Variants in RARB observed in about 807,000 individuals in gnomAD.
RARB encodes HBV-activated protein.
Under a neutral mutation model 51.9 loss-of-function variants are expected in RARB, and 17 were observed. The observed-to-expected ratio is 0.33, with a 90% CI of 0.22 to 0.49. RARB has a LOEUF of 0.49. Ranked by LOEUF, RARB falls within the 20% of genes least tolerant of loss-of-function variation. The pLI is 0.99. For missense variants in RARB, 369 were observed against 550.8 expected (o/e 0.67, Z 3.30); for synonymous variants, 215 against 195.4 (o/e 1.10, Z -0.84).
chr3:25,306,972 G>C (rs17016164), intron 5 of RARB, among the ~76,000 whole-genome samples: 2 of 152,112 alleles, frequency 1.3e-5, no homozygotes, highest in South Asian at 2.1e-4. Context: ...AGCTCCCCAC[G>C]CTAAGAGAGA....
chr3:25,299,764 T>A (rs185990320), intron 5 of RARB, among the ~76,000 whole-genome samples: 3,380 of 116,098 alleles, frequency 0.029, 37 homozygotes, highest in Middle Eastern at 0.067. Flanking sequence ...CCAAAAAAAA[T>A]AAATAAATAA....
At chr3:24,997,621 G>A (rs1697069608) in intron 2 of RARB, among the ~76,000 whole-genome samples, 1 of 152,046 alleles carries the variant, frequency 6.6e-6, no homozygotes, top group Non-Finnish European at 1.5e-5. Flanking sequence ...TTGACCTCAG[G>A]TGATCCACTT....
At chr3:25,495,943 A>G (rs1697005548) in intron 2 of RARB, among the ~76,000 whole-genome samples, 1 of 152,216 alleles carries the variant, frequency 6.6e-6, no homozygotes, top group Non-Finnish European at 1.5e-5. Context: ...ATAACAAAAG[A>G]CATAGTCAAC....
At chr3:25,503,891 C>T (rs182300836) in intron 3 of RARB, among the ~76,000 whole-genome samples, 94 of 152,274 alleles carry the variant, frequency 6.2e-4, no homozygotes, top group African/African-American at 2.0e-3. Context: ...TCTCATTTGA[C>T]GTACAAGTAC....
At chr3:24,887,831 A>C (rs1370515637) in intron 2 of RARB, among the ~76,000 whole-genome samples, 1 of 152,182 alleles carries the variant, frequency 6.6e-6, no homozygotes, top group African/African-American at 2.4e-5. Flanking sequence ...TTTTGCCAGC[A>C]GTGGTTTACT....
intron 3 of RARB, among the ~76,000 whole-genome samples, chr3:25,062,722 G>C (rs1241707375): frequency 1.3e-5 from 2 of 151,968 alleles, no homozygotes; most frequent in East Asian, 1.9e-4. Flanking sequence ...CAAATGTTTA[G>C]AGACAGAAAG....
intron 2 of RARB, among the ~76,000 whole-genome samples, chr3:24,947,823 G>C (rs1310005710): frequency 6.6e-6 from 1 of 152,140 alleles, no homozygotes; most frequent in African/African-American, 2.4e-5. Context: ...TAGTAGCTCT[G>C]TGTGACTCTG....
At chr3:25,056,978 T>C (rs911589634) in intron 2 of RARB, among the ~76,000 whole-genome samples, 1 of 152,058 alleles carries the variant, frequency 6.6e-6, no homozygotes, top group Non-Finnish European at 1.5e-5. Flanking sequence ...TGAGCCTTCA[T>C]TGTTAGATGT....
At chr3:25,173,492 A>G (rs1280452653) in intron 4 of RARB, among the ~76,000 whole-genome samples, 1 of 152,092 alleles carries the variant, frequency 6.6e-6, no homozygotes, top group Non-Finnish European at 1.5e-5. Flanking sequence ...GATACATAAT[A>G]TTTTACTATC....
rs113808922 is a variant in RARB, at chr3:25,091,570, G to A, written c.-328+31394G>A. Reference sequence around the variant, plus strand: ...TTTATAGGCTTCTCAATTAGGTTTCGGTTTGTTTAGGGTATTTTTCCCCAC... The same window carrying A: ...TTTATAGGCTTCTCAATTAGGTTTCAGTTTGTTTAGGGTATTTTTCCCCAC... On this transcript the variant is annotated intron_variant, in intron 3 of 11. Coordinates refer to the RARB transcript ENST00000383772. Among the ~76,000 whole-genome samples the A allele has an allele frequency of 4.2e-3, 645 of 152,162 alleles. 6 individuals carry two copies. The highest frequency in any genetic ancestry group is 0.015 in the African/African-American group (627 of 41,506).
chr3:24,924,883 G>T (rs992613844), intron 2 of RARB, among the ~76,000 whole-genome samples: 2 of 152,068 alleles, frequency 1.3e-5, no homozygotes, highest in Non-Finnish European at 2.9e-5. Flanking sequence ...ATGACTAAAG[G>T]AATTAATAGA....
chr3:25,308,318 T>C (rs1366868042), intron 5 of RARB, among the ~76,000 whole-genome samples: 1 of 152,234 alleles, frequency 6.6e-6, no homozygotes, highest in African/African-American at 2.4e-5. Context: ...TATCTCCTTG[T>C]AAGTTCTTTC....
At chr3:24,848,627 G>A (rs115068169) in intron 1 of RARB, among the ~76,000 whole-genome samples, 297 of 152,312 alleles carry the variant, frequency 1.9e-3, no homozygotes, top group African/African-American at 6.9e-3. Context: ...AGCTGTGGCT[G>A]ACCACAAGGT....
intron 2 of RARB, among the ~76,000 whole-genome samples, chr3:24,876,236 C>G (rs984121951): frequency 8.5e-5 from 13 of 152,240 alleles, no homozygotes; most frequent in African/African-American, 2.9e-4. Context: ...AACTTTGAGA[C>G]TATGTAAATA....
At chr3:25,220,016 A>G (rs999227009) in intron 5 of RARB, among the ~76,000 whole-genome samples, 2 of 152,260 alleles carry the variant, frequency 1.3e-5, no homozygotes, top group African/African-American at 4.8e-5. Flanking sequence ...AAAGACAGTT[A>G]TTGAATAGGG....
chr3:24,857,357 G>A (rs1274816468), intron 1 of RARB, among the ~76,000 whole-genome samples: 1 of 152,096 alleles, frequency 6.6e-6, no homozygotes, highest in African/African-American at 2.4e-5. Context: ...TCCACTGCTC[G>A]TTCACCCAGA....
intron 2 of RARB, among the ~76,000 whole-genome samples, chr3:25,466,116 T>A (rs867163061): frequency 6.6e-6 from 1 of 152,252 alleles, no homozygotes; most frequent in Non-Finnish European, 1.5e-5. Context: ...GTATAAAGCA[T>A]ATAGAATAGT....
chr3:25,363,140 T>C (rs978410134), intron 5 of RARB, among the ~76,000 whole-genome samples: 4 of 152,100 alleles, frequency 2.6e-5, no homozygotes, highest in African/African-American at 9.7e-5. Context: ...GACATTATTG[T>C]CCAGGAAAGT....
intron 2 of RARB, among the ~76,000 whole-genome samples, chr3:25,013,435 C>T (rs1245380919): frequency 6.6e-6 from 1 of 152,090 alleles, no homozygotes; most frequent in African/African-American, 2.4e-5. Flanking sequence ...ATCTGCTCTA[C>T]TTTCCCAACT....
Sources: gnomAD v4.1 joint callset for allele counts (sites outside exome capture counted in the v4.1 genomes callset) on GRCh38, gnomAD v4.1.1 for gene constraint, MANE v1.5 for transcripts, NCBI Gene and HGNC (gene_info 2026-07-23, HGNC 2026-07-21) for gene names.